The following NRG1 variants were observed in gnomAD, a reference collection of about 807,000 sequenced individuals.
NRG1 encodes neuregulin 1.
In NRG1, 18 loss-of-function variants were observed where a neutral mutation model predicts 63.8. That is an observed-to-expected ratio of 0.28 (90% CI 0.19 to 0.42). NRG1 has a LOEUF of 0.42. NRG1 is among the 10% of genes least tolerant of loss of function. The pLI is 1.00. For synonymous variants in NRG1, 302 were observed against 301.3 expected (o/e 1.00, Z -0.02); for missense variants, 762 against 814.7 (o/e 0.94, Z 0.79).
At chr8:32,062,503 G>A (rs1824056233) in intron 1 of NRG1, among the ~76,000 whole-genome samples, 1 of 152,072 alleles carries the variant, frequency 6.6e-6, no homozygotes, top group African/African-American at 2.4e-5. Context: ...ATGGAGAGTT[G>A]AATAAATGGT....
chr8:32,100,462 G>A (rs1344280047), intron 1 of NRG1, among the ~76,000 whole-genome samples: 1 of 152,058 alleles, frequency 6.6e-6, no homozygotes. Flanking sequence ...TTAGTAATTG[G>A]CAGAGCAAGC....
At chr8:32,147,530 G>C (rs1278818778) in intron 1 of NRG1, among the ~76,000 whole-genome samples, 1 of 152,182 alleles carries the variant, frequency 6.6e-6, no homozygotes, top group East Asian at 1.9e-4. Context: ...TCCCTCCTAA[G>C]TAAATCCTCA....
intron 1 of NRG1, among the ~76,000 whole-genome samples, chr8:31,895,620 A>G (rs1326300928): frequency 6.6e-6 from 1 of 152,114 alleles, no homozygotes; most frequent in Non-Finnish European, 1.5e-5. Context: ...CAGTGGCCCA[A>G]ATTTTGTCCC....
rs576531472 is a variant in NRG1, at chr8:32,447,842, C to T, written c.38-147986C>T. 5.1e-3 allele frequency among the ~76,000 whole-genome samples: 740 copies of T among 144,212 alleles called. 4 individuals carry two copies. The highest frequency in any genetic ancestry group is 7.4e-3 in the Non-Finnish European group (493 of 66,356). 94.6% of individuals were successfully genotyped at this position (144,212 alleles called of 152,430 possible). A position where few individuals can be genotyped will look rare whatever the true frequency, so the allele number is the denominator to read the frequency against. ...CTGGCCTGGGCAACAAAGCCAAACC[C>T]TGTGTCAAAAAAAAAAAAAAAATAC... is the stretch of plus-strand genomic sequence containing the variant. On this transcript the variant is annotated intron_variant, in intron 1 of 10. Transcript: ENST00000519301.
chr8:32,410,565 T>C (rs183787721), intron 1 of NRG1, among the ~76,000 whole-genome samples: 38 of 152,292 alleles, frequency 2.5e-4, no homozygotes, highest in Non-Finnish European at 4.0e-4. Flanking sequence ...CTTAGAAAGG[T>C]GCATGATTCT....
At chr8:31,876,882 A>G (rs1174862895) in intron 1 of NRG1, among the ~76,000 whole-genome samples, 1 of 152,172 alleles carries the variant, frequency 6.6e-6, no homozygotes, top group Non-Finnish European at 1.5e-5. Flanking sequence ...GTCAAACTCC[A>G]CTGCCATCTC....
chr8:31,684,694 A>T (rs1436164808), intron 1 of NRG1, among the ~76,000 whole-genome samples: 2 of 152,062 alleles, frequency 1.3e-5, no homozygotes, highest in Non-Finnish European at 2.9e-5. Flanking sequence ...TCAACGTGTG[A>T]TGTATATATT....
intron 1 of NRG1, among the ~76,000 whole-genome samples, chr8:32,013,578 A>G (rs1815067894): frequency 6.6e-6 from 1 of 152,076 alleles, no homozygotes; most frequent in African/African-American, 2.4e-5. Flanking sequence ...TGATTAAACT[A>G]TAAGAGACTG....
At chr8:32,391,294 G>T (rs548340391) in intron 1 of NRG1, among the ~76,000 whole-genome samples, 1 of 151,978 alleles carries the variant, frequency 6.6e-6, no homozygotes, top group South Asian at 2.1e-4. Flanking sequence ...CCATGCTCAG[G>T]TAGGGTTTTT....
At chr8:31,657,644 A>G (rs923494874) in intron 1 of NRG1, among the ~76,000 whole-genome samples, 8 of 152,202 alleles carry the variant, frequency 5.3e-5, no homozygotes, top group African/African-American at 1.9e-4. Flanking sequence ...CACCCTGCAC[A>G]AGATTAGAAG....
intron 1 of NRG1, among the ~76,000 whole-genome samples, chr8:32,189,408 C>A (rs1033739837): frequency 6.6e-6 from 1 of 152,044 alleles, no homozygotes; most frequent in Non-Finnish European, 1.5e-5. Context: ...ACTTATGGAG[C>A]AATAGAAAAC....
At chr8:32,682,800 C>T (rs1427955047) in intron 5 of NRG1, among the ~76,000 whole-genome samples, 2 of 152,134 alleles carry the variant, frequency 1.3e-5, no homozygotes, top group Non-Finnish European at 2.9e-5. Flanking sequence ...AATTCTCCTG[C>T]ATAATAACTT....
chr8:31,844,352 G>C (rs774608416), intron 1 of NRG1, among the ~76,000 whole-genome samples: 33 of 152,180 alleles, frequency 2.2e-4, no homozygotes, highest in Non-Finnish European at 4.3e-4. Flanking sequence ...AGCTCTCTGA[G>C]ATTTCTGGTG....
At chr8:31,761,446 G>A (rs1015899321) in intron 1 of NRG1, among the ~76,000 whole-genome samples, 2 of 151,870 alleles carry the variant, frequency 1.3e-5, no homozygotes, top group Non-Finnish European at 2.9e-5. Flanking sequence ...AAAACTTAAA[G>A]TATAATAATA....
At chr8:32,039,248 A>G (rs4424219) in intron 1 of NRG1, among the ~76,000 whole-genome samples, 17,195 of 152,264 alleles carry the variant, frequency 0.11, 3,248 homozygotes, top group African/African-American at 0.39. Context: ...ATTTGTTGAC[A>G]TATAGTATTC....
intron 1 of NRG1, among the ~76,000 whole-genome samples, chr8:32,176,409 A>G (rs892593179): frequency 1.3e-5 from 2 of 152,256 alleles, no homozygotes; most frequent in African/African-American, 4.8e-5. Context: ...TTCAGGACAT[A>G]GGCATGGACA....
intron 1 of NRG1, among the ~76,000 whole-genome samples, chr8:32,297,311 C>A (rs1324149962): frequency 6.6e-6 from 1 of 152,048 alleles, no homozygotes; most frequent in African/African-American, 2.4e-5. Context: ...CCCTTCAGGT[C>A]TGAATAAAAC....
At chr8:32,683,225 C>T (rs2128920667) in intron 5 of NRG1, among the ~76,000 whole-genome samples, 1 of 152,244 alleles carries the variant, frequency 6.6e-6, no homozygotes, top group South Asian at 2.1e-4. Context: ...TTATTCTTTG[C>T]TTTAGAATGT....
intron 1 of NRG1, among the ~76,000 whole-genome samples, chr8:32,586,633 T>C (rs66762353): frequency 0.26 from 38,973 of 151,906 alleles, 5,125 homozygotes; most frequent in South Asian, 0.33. Context: ...GTAGAAAAAC[T>C]AGGTATGGTA....
Sources: allele counts gnomAD v4.1 joint callset (sites outside exome capture counted in the v4.1 genomes callset), GRCh38; gene constraint gnomAD v4.1.1; transcripts MANE v1.5; gene names NCBI Gene and HGNC (gene_info 2026-07-23, HGNC 2026-07-21).